Variants in RERE observed in about 807,000 individuals in gnomAD.
RERE encodes arginine-glutamic acid dipeptide repeats protein.
A neutral mutation model predicts 146.1 loss-of-function variants in RERE; 40 were observed. The observed-to-expected ratio is 0.27, with a 90% confidence interval of 0.21 to 0.36. RERE has a LOEUF of 0.36. RERE is among the 10% of genes least tolerant of loss of function. The probability of loss-of-function intolerance (pLI) is 1.00; values close to 1 mark genes in which losing one functional copy is unlikely to be tolerated. For missense variants in RERE, 1,933 were observed against 2,138.7 expected, an observed-to-expected ratio of 0.90 and a Z score of 1.90; for synonymous variants, 1,003 against 866.0, an observed-to-expected ratio of 1.16 and a Z score of -2.78.
In RERE at chr1:8,373,976, C is replaced by G. The variant is rs114851162; in HGVS notation, c.1285-8002G>C. On this transcript the variant is annotated intron_variant, in intron 12 of 22. Coordinates refer to ENST00000400908, the MANE Select transcript of RERE (RefSeq NM_001042681.2). ...CCGAATCCTCTAATCCCTAAAGGAGCCTGGCACTGTCAGCGGGCTCTGCTG... is the reference window on the plus strand; with the variant it reads ...CCGAATCCTCTAATCCCTAAAGGAGGCTGGCACTGTCAGCGGGCTCTGCTG... 6.4e-3 allele frequency among the ~76,000 whole-genome samples: 981 copies of G among 152,344 alleles called. 10 individuals are homozygous for G. Among genetic ancestry groups the G allele is most frequent in the African/African-American group, 0.023 (947 of 41,580 alleles).
chr1:8,443,105 T>C (rs891542389), intron 11 of RERE, among the ~76,000 whole-genome samples: 1 of 152,196 alleles, frequency 6.6e-6, no homozygotes, highest in Non-Finnish European at 1.5e-5. Flanking sequence ...TTGGAATTTA[T>C]ACTTAAAAGG....
At chr1:8,387,216 T>C (rs1642707658) in intron 12 of RERE, among the ~76,000 whole-genome samples, 1 of 152,202 alleles carries the variant, frequency 6.6e-6, no homozygotes, top group Admixed American at 6.5e-5. Flanking sequence ...CACAAATCAG[T>C]GGAGAAAAGG....
Position 8,817,639 on chromosome 1 carries a change from C to T in RERE, c.-624G>A, listed in dbSNP as rs1460439075. 1.3e-5 allele frequency: 2 copies of T among 150,954 alleles called. No homozygotes were observed. The highest frequency in any genetic ancestry group is 4.9e-5 in the African/African-American group (2 of 41,130). The allele number at this position is 150,954 out of a possible 1,614,324, so 9.4% of individuals were successfully genotyped here. On this transcript the variant is annotated 5_prime_UTR_variant, in exon 1 of 23. Coordinates refer to ENST00000400908, the MANE Select transcript of RERE (RefSeq NM_001042681.2). ...AGCGCGGAGGGTTGCTCGCGAGCGT[C>T]TGTGGGAACAGCGGCACCTCCGCGA... is the stretch of plus-strand genomic sequence containing the variant.
At chr1:8,729,104 C>T (rs187674095) in intron 1 of RERE, among the ~76,000 whole-genome samples, 5 of 151,512 alleles carry the variant, frequency 3.3e-5, no homozygotes, top group Non-Finnish European at 7.4e-5. Context: ...GTGGAAGCTG[C>T]GGTGAGCTGA....
intron 11 of RERE, among the ~76,000 whole-genome samples, chr1:8,454,203 A>G (rs1377901047): frequency 6.6e-6 from 1 of 152,228 alleles, no homozygotes; most frequent in Non-Finnish European, 1.5e-5. Context: ...AAATAAAAGT[A>G]TGATCAAAAC....
chr1:8,479,557 G>A (rs893704522), intron 10 of RERE, among the ~76,000 whole-genome samples: 8 of 152,132 alleles, frequency 5.3e-5, no homozygotes, highest in Non-Finnish European at 5.9e-5. Context: ...AAAGAGAGGT[G>A]GTGAAGAAAC....
chr1:8,526,786 T>C (rs931595117), intron 7 of RERE, among the ~76,000 whole-genome samples: 9 of 152,104 alleles, frequency 5.9e-5, no homozygotes, highest in African/African-American at 1.9e-4. Flanking sequence ...CACATGAACA[T>C]CCAAAAATCT....
chr1:8,575,146 C>A (rs751819708), intron 4 of RERE, among the ~76,000 whole-genome samples: 1 of 152,076 alleles, frequency 6.6e-6, no homozygotes, highest in Non-Finnish European at 1.5e-5. Context: ...GTGAAAGACA[C>A]GCGAAACTCA....
At chr1:8,789,299 A>T (rs866295750) in intron 1 of RERE, among the ~76,000 whole-genome samples, 10,851 of 52,868 alleles carry the variant, frequency 0.21, 1,142 homozygotes, top group East Asian at 0.64. Context: ...AAAAAAAAAA[A>T]AAATATATAT....
At chr1:8,688,263 C>T (rs918046533) in intron 1 of RERE, among the ~76,000 whole-genome samples, 1 of 152,134 alleles carries the variant, frequency 6.6e-6, no homozygotes. Context: ...CATGAGACCC[C>T]TATCTCTACA....
At chr1:8,681,198 C>T (rs1024124279) in intron 1 of RERE, among the ~76,000 whole-genome samples, 4 of 152,170 alleles carry the variant, frequency 2.6e-5, no homozygotes, top group African/African-American at 9.7e-5. Flanking sequence ...AGCTACTATT[C>T]TCCTACCACT....
At chr1:8,453,450 T>G (rs1644412171) in intron 11 of RERE, among the ~76,000 whole-genome samples, 1 of 152,212 alleles carries the variant, frequency 6.6e-6, no homozygotes, top group Admixed American at 6.5e-5. Context: ...CCTTTATTTC[T>G]TAGATTAATG....
chr1:8,376,849 G>A (rs1275356929), intron 12 of RERE, among the ~76,000 whole-genome samples: 1 of 152,202 alleles, frequency 6.6e-6, no homozygotes, highest in Non-Finnish European at 1.5e-5. Context: ...CTGAACTGCG[G>A]CTCAAAACCG....
chr1:8,564,832 A>ATGTGTGTGTG (rs567556868), intron 4 of RERE, among the ~76,000 whole-genome samples: 35 of 139,084 alleles, frequency 2.5e-4, no homozygotes, highest in African/African-American at 8.2e-4. Context: ...GTATATGTGT[A>ATGTGTGTGTG]TGTGTGTGTG....
intron 2 of RERE, among the ~76,000 whole-genome samples, chr1:8,641,124 A>C (rs1647170627): frequency 6.6e-6 from 1 of 152,242 alleles, no homozygotes; most frequent in Admixed American, 6.5e-5. Context: ...ATCTGGAAAG[A>C]TGACAAACAC....
chr1:8,656,070 C>A lies in RERE; in HGVS notation c.228G>T (p.Lys76Asn). Reference sequence around the variant, plus strand: ...GAGACTTTTTTTTCGGTGGTTTCTTCTTATTCTTCTTCGTGGACTCCTCTG... The same window carrying A: ...GAGACTTTTTTTTCGGTGGTTTCTTATTATTCTTCTTCGTGGACTCCTCTG... ...ATAEESTKKN[K>N]KKPPKKKSRY... The change falls in exon 2 of 23, where the codon AAG becomes AAT. Residue 76 changes from lysine (K) to asparagine (N), a missense_variant. Lys to Asn is a moderately conservative substitution (Grantham distance 94). This residue lies in a region of RERE where 107 missense variants were observed against 119.7 expected (regional missense o/e 0.89). Coordinates refer to ENST00000400908, the MANE Select transcript of RERE (RefSeq NM_001042681.2). 3.1e-6 allele frequency: 5 copies of A among 1,614,032 alleles called. No homozygotes were observed. Among genetic ancestry groups the A allele is most frequent in the Non-Finnish European group, 4.2e-6 (5 of 1,180,000 alleles).
At chr1:8,441,572 A>G (rs1356127439) in intron 11 of RERE, among the ~76,000 whole-genome samples, 1 of 152,248 alleles carries the variant, frequency 6.6e-6, no homozygotes, top group Non-Finnish European at 1.5e-5. Context: ...CTCTGCTTTC[A>G]ACAAAACACA....
At chr1:8,750,654 GA>G in intron 1 of RERE, 1 of 904,020 alleles carries the variant, frequency 1.1e-6, no homozygotes, top group Non-Finnish European at 1.8e-6. Context: ...AGGATGGCAA[GA>G]AAAGCTGGCA....
chr1:8,619,402 C>A (rs1159135286), intron 3 of RERE, among the ~76,000 whole-genome samples: 2 of 152,066 alleles, frequency 1.3e-5, no homozygotes, highest in Non-Finnish European at 2.9e-5. Context: ...TATCATTAAC[C>A]CAAAATAGTA....
Sources: allele counts gnomAD v4.1 joint callset (sites outside exome capture counted in the v4.1 genomes callset), GRCh38; gene constraint gnomAD v4.1.1; regional missense constraint gnomAD v4.1.1; transcripts MANE v1.5; gene names NCBI Gene and HGNC (gene_info 2026-07-23, HGNC 2026-07-21).